The following PDE4D variants were observed in gnomAD, a reference collection of about 807,000 sequenced individuals.
PDE4D encodes the protein phosphodiesterase 4D.
Under a neutral mutation model 87.4 loss-of-function variants are expected in PDE4D, and 24 were observed. That is an observed-to-expected ratio of 0.27 (90% CI 0.20 to 0.39). PDE4D has a LOEUF of 0.39. Ranked by LOEUF, PDE4D falls within the 10% of genes least tolerant of loss-of-function variation. The pLI is 1.00. For missense variants in PDE4D, 714 were observed against 1,041.0 expected (o/e 0.69, Z 4.32); for synonymous variants, 384 against 383.2 (o/e 1.00, Z -0.02).
chr5:59,327,348 A>G (rs376019138), intron 1 of PDE4D, among the ~76,000 whole-genome samples: 9 of 152,106 alleles, frequency 5.9e-5, no homozygotes, highest in Non-Finnish European at 1.0e-4. Context: ...GAGCACTCCA[A>G]TTTTAGCTGC....
At chr5:60,474,480 C>T (rs1216801622) in intron 1 of PDE4D, among the ~76,000 whole-genome samples, 2 of 152,050 alleles carry the variant, frequency 1.3e-5, no homozygotes, top group Non-Finnish European at 2.9e-5. Context: ...ATAGCACTTA[C>T]CTCCACTCCT....
intron 2 of PDE4D, chr5:60,021,936 C>T (rs1198132750): frequency 1.3e-5 from 2 of 152,160 alleles, no homozygotes; most frequent in African/African-American, 4.8e-5. Context: ...TAATCTCAAA[C>T]TCCTAGGCCC....
At chr5:60,101,855 T>C (rs1244631064) in intron 2 of PDE4D, among the ~76,000 whole-genome samples, 3 of 152,174 alleles carry the variant, frequency 2.0e-5, no homozygotes, top group African/African-American at 7.2e-5. Flanking sequence ...TTAATTTTCC[T>C]TTATTATTAT....
chr5:59,383,941 G>A (rs1786428255), intron 1 of PDE4D, among the ~76,000 whole-genome samples: 1 of 152,078 alleles, frequency 6.6e-6, no homozygotes, highest in Non-Finnish European at 1.5e-5. Flanking sequence ...AAACTGAAGA[G>A]CGAGTGGTGC....
intron 6 of PDE4D, among the ~76,000 whole-genome samples, chr5:59,029,994 A>G (rs1757032412): frequency 6.6e-6 from 1 of 152,172 alleles, no homozygotes; most frequent in Non-Finnish European, 1.5e-5. Flanking sequence ...CAGAAGAAAG[A>G]AACTGTACTC....
chr5:59,221,583 G>T (rs772641780), intron 1 of PDE4D, among the ~76,000 whole-genome samples: 3 of 152,100 alleles, frequency 2.0e-5, no homozygotes, highest in Non-Finnish European at 4.4e-5. Context: ...AGTGAGCCAT[G>T]ATTACGTCAC....
In PDE4D at chr5:60,132,068, A is replaced by G. The variant is rs16890534; in HGVS notation, c.42+53489T>C. On this transcript the variant is annotated intron_variant, in intron 2 of 16. Coordinates refer to the PDE4D transcript ENST00000502484. ...TTCCCCATTCTCTTTATTGTTGTGC[A>G]TTATACAGATTTAGTTTTTCTACTA... Among the ~76,000 whole-genome samples, 1,037 of 152,258 alleles carry G rather than the reference A, an allele frequency of 6.8e-3. 6 individuals are homozygous for G. Among genetic ancestry groups the G allele is most frequent in the African/African-American group, 0.024 (989 of 41,542 alleles).
intron 3 of PDE4D, among the ~76,000 whole-genome samples, chr5:59,902,808 A>C (rs550050043): frequency 1.4e-4 from 22 of 152,288 alleles, no homozygotes; most frequent in African/African-American, 5.1e-4. Context: ...AGTCGTCAAC[A>C]CTGTATTTGT....
chr5:60,442,413 G>A (rs1396333645), intron 1 of PDE4D, among the ~76,000 whole-genome samples: 2 of 151,952 alleles, frequency 1.3e-5, no homozygotes, highest in African/African-American at 4.8e-5. Flanking sequence ...ACACAGGGAG[G>A]GGACCATCAC....
chr5:59,420,867 A>G (rs1426168933), intron 1 of PDE4D, among the ~76,000 whole-genome samples: 1 of 152,122 alleles, frequency 6.6e-6, no homozygotes, highest in Admixed American at 6.6e-5. Context: ...CACAAACCAG[A>G]GCACATATTT....
chr5:59,963,217 CT>C (rs1307350582), intron 3 of PDE4D, among the ~76,000 whole-genome samples: 1 of 152,098 alleles, frequency 6.6e-6, no homozygotes, highest in African/African-American at 2.4e-5. Context: ...CACTCTGGAC[CT>C]GAAGGTTATG....
intron 5 of PDE4D, among the ~76,000 whole-genome samples, chr5:59,156,629 T>C (rs1354364019): frequency 1.3e-5 from 2 of 152,032 alleles, no homozygotes; most frequent in African/African-American, 4.8e-5. Flanking sequence ...TTGGTGATTT[T>C]AGAGCAGCCA....
chr5:59,088,401 A>G (rs1380918000), intron 5 of PDE4D, among the ~76,000 whole-genome samples: 4 of 152,180 alleles, frequency 2.6e-5, no homozygotes, highest in African/African-American at 9.7e-5. Context: ...GCAATTCCTC[A>G]AAGACCTAAA....
In PDE4D at chr5:59,039,417, C is replaced by A. The variant is rs1054876753; in HGVS notation, c.809-446G>T. ...ACAGCCGGATCTCCTCGGTCCCCAA[C>A]CCGGAGCCGCGGCCCCACGCCCGCC... is the stretch of plus-strand genomic sequence containing the variant. On this transcript the variant is annotated intron_variant, in intron 5 of 14. Transcript: ENST00000340635. The A allele has an allele frequency of 1.2e-5, 12 of 996,142 alleles. No individual in the cohort carries two copies. The African/African-American group carries it at 1.9e-4, about 16-fold the overall frequency. 61.7% of individuals were successfully genotyped at this position (996,142 alleles called of 1,614,324 possible).
chr5:59,844,763 G>T (rs1412469496), intron 1 of PDE4D, among the ~76,000 whole-genome samples: 3 of 152,062 alleles, frequency 2.0e-5, no homozygotes, highest in Non-Finnish European at 4.4e-5. Context: ...CCATGATTAG[G>T]TTATTATGTA....
intron 1 of PDE4D, among the ~76,000 whole-genome samples, chr5:59,729,042 C>T (rs768221716): frequency 6.6e-6 from 1 of 152,048 alleles, no homozygotes; most frequent in Non-Finnish European, 1.5e-5. Context: ...GCAATAGTTT[C>T]ACAAATGTCA....
At chr5:59,136,053 A>G (rs1202158747) in intron 5 of PDE4D, among the ~76,000 whole-genome samples, 1 of 152,024 alleles carries the variant, frequency 6.6e-6, no homozygotes, top group Non-Finnish European at 1.5e-5. Context: ...TAAACAAATT[A>G]AAATTTTTTG....
intron 1 of PDE4D, among the ~76,000 whole-genome samples, chr5:60,441,333 G>A (rs1404045349): frequency 2.0e-5 from 3 of 152,080 alleles, no homozygotes; most frequent in Admixed American, 6.5e-5. Context: ...AACAAGCAAT[G>A]GGGAAAGGAT....
chr5:59,557,168 A>G (rs895666429), intron 1 of PDE4D, among the ~76,000 whole-genome samples: 1 of 152,192 alleles, frequency 6.6e-6, no homozygotes, highest in Non-Finnish European at 1.5e-5. Context: ...CATATGCCAT[A>G]AGGATTTTTG....
Sources: gnomAD v4.1 joint callset for allele counts (sites outside exome capture counted in the v4.1 genomes callset) on GRCh38, gnomAD v4.1.1 for gene constraint, MANE v1.5 for transcripts, NCBI Gene and HGNC (gene_info 2026-07-23, HGNC 2026-07-21) for gene names.